Variants in CDK13 observed in about 807,000 individuals in gnomAD.
CDK13 encodes the protein cyclin dependent kinase 13, also known as cyclin-dependent kinase 13.
Under a neutral mutation model 137.6 loss-of-function variants are expected in CDK13, and 40 were observed. The ratio of observed to expected loss-of-function variants is 0.29; its 90% CI spans 0.23 to 0.38. The LOEUF (loss-of-function observed/expected upper bound fraction) is 0.38. CDK13 is among the 10% of genes least tolerant of loss of function. The pLI, the probability that CDK13 is intolerant of heterozygous loss-of-function variation, is 1.00. For synonymous variants in CDK13, 869 were observed against 760.1 expected, an observed-to-expected ratio of 1.14 and a Z score of -2.36; for missense variants, 1,704 against 1,951.8, an observed-to-expected ratio of 0.87 and a Z score of 2.39.
intron 1 of CDK13, among the ~76,000 whole-genome samples, chr7:39,957,679 G>T (rs2116111390): frequency 6.6e-6 from 1 of 152,240 alleles, no homozygotes; most frequent in East Asian, 1.9e-4. Flanking sequence ...AGTGTGAATG[G>T]AATAAATTCA....
chr7:39,952,738 C>A (rs1787271804), intron 1 of CDK13: 1 of 152,064 alleles, frequency 6.6e-6, no homozygotes, highest in South Asian at 2.1e-4. Flanking sequence ...ATAACTAGAC[C>A]TTTAAATATC....
intron 1 of CDK13, among the ~76,000 whole-genome samples, chr7:39,982,867 G>GT (rs1200727716): frequency 7.9e-5 from 12 of 152,072 alleles, no homozygotes; most frequent in Non-Finnish European, 1.3e-4. Flanking sequence ...GGGGTTGTTT[G>GT]TTTTTTTCTT....
intron 5 of CDK13, among the ~76,000 whole-genome samples, chr7:40,015,478 T>C (rs1217927538): frequency 6.6e-6 from 1 of 152,154 alleles, no homozygotes; most frequent in African/African-American, 2.4e-5. Context: ...CAAAATGGGG[T>C]AATAATGACT....
intron 5 of CDK13, among the ~76,000 whole-genome samples, chr7:40,023,544 G>A (rs543088159): frequency 7.3e-5 from 11 of 151,482 alleles, no homozygotes; most frequent in Non-Finnish European, 1.3e-4. Flanking sequence ...CTGTCACCCG[G>A]GCTGGAGTGC....
rs1408310685 is a variant in CDK13, at chr7:40,045,981, T to C, written c.2499T>C (p.Phe833=). The change falls in exon 6 of 14, where the codon TTT becomes TTC. Residue 833 remains phenylalanine, a synonymous_variant. Transcript: ENST00000181839. ...EGLDYCHKKN[F]LHRDIKCSNI... is the part of the protein sequence containing the mutation. ...TGGATTATTGTCATAAGAAGAACTT[T>C]TTGCATAGAGATATTAAATGTTCCA... The C allele has an allele frequency of 2.5e-6, 4 of 1,608,838 alleles. No homozygotes were observed. Among genetic ancestry groups the C allele is most frequent in the Middle Eastern group, 1.7e-4 (1 of 6,018 alleles).
At chr7:40,021,122 T>TACACACACACACACAC (rs1304409836) in intron 5 of CDK13, among the ~76,000 whole-genome samples, 3 of 108,500 alleles carry the variant, frequency 2.8e-5, no homozygotes, top group East Asian at 3.7e-4. Flanking sequence ...TATATATATA[T>TACACACACACACACAC]ACACACACAC....
rs1416749775 is a variant in CDK13 at position 40,099,384 on chromosome 7, A to G, written c.*4404A>G. ...TCTAATTGTATTCAAATGAGGCTCT[A>G]TAGTGAATACAGAATCACTCTTCTA... On this transcript the variant is annotated 3_prime_UTR_variant, in exon 14 of 14. Transcript: ENST00000181839. The G allele has an allele frequency of 3.3e-5, 5 of 152,230 alleles. No homozygotes were observed. Among genetic ancestry groups the G allele is most frequent in the Non-Finnish European group, 5.9e-5 (4 of 68,040 alleles). The allele number at this position is 152,230 out of a possible 1,614,324, so 9.4% of individuals were successfully genotyped here.
rs895926839 is a variant in CDK13, at chr7:40,031,938, C to T, written c.2354-13898C>T. ...CTGCCTTCAAGCTATCCTCCTGCCT[C>T]GGCCTCCCAAAGTGCTAGGATTATA... On this transcript the variant is annotated intron_variant, in intron 5 of 13. Coordinates refer to ENST00000181839, the MANE Select transcript of CDK13 (RefSeq NM_003718.5). Among the ~76,000 whole-genome samples the T allele has an allele frequency of 2.6e-5, 4 of 151,762 alleles. No homozygotes were observed. In the East Asian group the frequency reaches 5.8e-4, roughly 22 times the overall value.
At chr7:40,021,104 T>TACACACACAC (rs1491265610) in intron 5 of CDK13, among the ~76,000 whole-genome samples, 1 of 14,638 alleles carries the variant, frequency 6.8e-5, no homozygotes, top group Non-Finnish European at 4.3e-4. Context: ...CAAACAAACG[T>TACACACACAC]ATATATATAT....
intron 5 of CDK13, among the ~76,000 whole-genome samples, chr7:40,043,898 ATTT>A (rs3045302): frequency 7.3e-6 from 1 of 137,728 alleles, no homozygotes. Flanking sequence ...ATTTTGTATA[ATTT>A]TTTTTTTTTT....
At chr7:40,093,270 C>T in intron 13 of CDK13, 33 bp downstream of exon 13, 1 of 1,508,352 alleles carries the variant, frequency 6.6e-7, no homozygotes, top group Non-Finnish European at 9.1e-7. Context: ...ACTAACACAG[C>T]TGCATTACAT....
chr7:40,040,003 C>G (rs1257665204), intron 5 of CDK13, among the ~76,000 whole-genome samples: 1 of 146,080 alleles, frequency 6.8e-6, no homozygotes, highest in African/African-American at 2.5e-5. Flanking sequence ...ATAACTGATT[C>G]ATTTGCTTTT....
chr7:40,003,200 A>ACTCTCTCTCTCTCTCT (rs1252886780), intron 5 of CDK13, among the ~76,000 whole-genome samples: 3 of 86,304 alleles, frequency 3.5e-5, no homozygotes, highest in African/African-American at 1.3e-4. Context: ...ACACACACAC[A>ACTCTCTCTCTCTCTCT]CACACACTCT....
intron 5 of CDK13, among the ~76,000 whole-genome samples, chr7:40,013,202 A>G (rs1258573710): frequency 6.6e-6 from 1 of 152,224 alleles, no homozygotes. Flanking sequence ...AGGTACCTAC[A>G]GTAGTCAAAT....
chr7:40,003,720 C>A (rs1172367676), intron 5 of CDK13, among the ~76,000 whole-genome samples: 5 of 152,164 alleles, frequency 3.3e-5, no homozygotes, highest in Admixed American at 3.3e-4. Flanking sequence ...CTTTTTTGAT[C>A]TGTGAGATCA....
Position 40,094,688 on chromosome 7 carries a change from C to A in CDK13, c.4247C>A (p.Pro1416His), listed in dbSNP as rs747263810. ...GGAGACATTTACCTCAATGCTGGTC[C>A]CATGTTGTTTAGTGGAGACAAGGAC... The part of the protein sequence containing the change: ...GYGDIYLNAG[P>H]MLFSGDKDHR... The change falls in exon 14 of 14, where the codon CCC (proline) becomes CAC (histidine). Residue 1416 changes from proline to histidine, a missense_variant. Around this residue, in one of 5 missense-constraint regions of CDK13, gnomAD observed 475 missense variants for 579.3 expected, o/e 0.82. Transcript: ENST00000181839. 50 of 1,614,014 alleles carry A rather than the reference C, an allele frequency of 3.1e-5. No individual in the cohort carries two copies. Among genetic ancestry groups the A allele is most frequent in the South Asian group, 3.1e-4 (28 of 91,088 alleles).
At chr7:40,086,170 A>G (rs1208656322) in intron 11 of CDK13, among the ~76,000 whole-genome samples, 1 of 152,234 alleles carries the variant, frequency 6.6e-6, no homozygotes, top group African/African-American at 2.4e-5. Flanking sequence ...ATATTATTGC[A>G]TCTGCCTTTA....
At chr7:40,068,705 C>CAG (rs1236467573) in intron 9 of CDK13, among the ~76,000 whole-genome samples, 2,815 of 44,470 alleles carry the variant, frequency 0.063, 238 homozygotes, top group African/African-American at 0.25. Context: ...GACTATGTCT[C>CAG]AGAAAAAAAA....
At chr7:40,064,557 G>A (rs1050378365) in intron 9 of CDK13, among the ~76,000 whole-genome samples, 16 of 151,936 alleles carry the variant, frequency 1.1e-4, no homozygotes, top group Non-Finnish European at 2.2e-4. Context: ...CTTTTTGGTG[G>A]TTAGGCAAGG....
Sources: allele counts gnomAD v4.1 joint callset (sites outside exome capture counted in the v4.1 genomes callset), GRCh38; gene constraint gnomAD v4.1.1; regional missense constraint gnomAD v4.1.1; transcripts MANE v1.5; gene names NCBI Gene and HGNC (gene_info 2026-07-23, HGNC 2026-07-21).